TTC28: variants seen among roughly 807,000 people sequenced by gnomAD.
TTC28 encodes the protein tetratricopeptide repeat protein 28.
Under a neutral mutation model 198.0 loss-of-function variants are expected in TTC28, and 61 were observed. That is an observed-to-expected ratio of 0.31 (90% CI 0.25 to 0.38). TTC28 has a LOEUF of 0.38. Among genes scored for constraint, TTC28 ranks in the 10% least tolerant of loss-of-function variants. The pLI is 1.00. For missense variants in TTC28, 2,678 were observed against 3,164.0 expected, an observed-to-expected ratio of 0.85 and a Z score of 3.69; for synonymous variants, 1,171 against 1,297.8, an observed-to-expected ratio of 0.90 and a Z score of 2.10.
At chr22:28,533,324 T>C (rs1451797868) in intron 2 of TTC28, among the ~76,000 whole-genome samples, 1 of 151,970 alleles carries the variant, frequency 6.6e-6, no homozygotes, top group Non-Finnish European at 1.5e-5. Flanking sequence ...TCAAAGAGAA[T>C]AAAATACCTA....
intron 12 of TTC28, among the ~76,000 whole-genome samples, chr22:28,059,898 A>G (rs1211268098): frequency 7.4e-6 from 1 of 135,980 alleles, no homozygotes; most frequent in African/African-American, 2.6e-5. Context: ...TACCGTTTAC[A>G]TGGTATATCG....
At chr22:27,987,949 C>T (rs906505959) in intron 21 of TTC28, among the ~76,000 whole-genome samples, 2 of 152,018 alleles carry the variant, frequency 1.3e-5, no homozygotes, top group South Asian at 4.1e-4. Context: ...AGCAGTGGCT[C>T]ACACCTGAAT....
At chr22:28,552,752 T>C (rs981922324) in intron 2 of TTC28, among the ~76,000 whole-genome samples, 2 of 142,122 alleles carry the variant, frequency 1.4e-5, no homozygotes, top group Non-Finnish European at 3.2e-5. Flanking sequence ...AGCCTCTCCC[T>C]CTCCCTCTCC....
chr22:28,141,839 C>G (rs555135406), intron 6 of TTC28, among the ~76,000 whole-genome samples: 1 of 152,108 alleles, frequency 6.6e-6, no homozygotes. Context: ...TCCACAACCA[C>G]GAAACCTCTT....
At chr22:28,246,036 A>G (rs1930068868) in intron 5 of TTC28, among the ~76,000 whole-genome samples, 1 of 152,232 alleles carries the variant, frequency 6.6e-6, no homozygotes, top group Admixed American at 6.5e-5. Context: ...CATGAAGCTA[A>G]AAGTAAACAG....
intron 2 of TTC28, among the ~76,000 whole-genome samples, chr22:28,468,343 CTATT>C (rs1274392894): frequency 4.6e-5 from 7 of 152,118 alleles, no homozygotes; most frequent in Non-Finnish European, 1.0e-4. Context: ...CCCACAGAAT[CTATT>C]TATTTCAGTG....
intron 2 of TTC28, among the ~76,000 whole-genome samples, chr22:28,415,082 GCACT>G (rs1457123933): frequency 4.6e-5 from 7 of 152,110 alleles, no homozygotes; most frequent in Non-Finnish European, 7.4e-5. Flanking sequence ...CCCAATATGA[GCACT>G]GCCAGATGGA....
intron 3 of TTC28, among the ~76,000 whole-genome samples, chr22:28,305,299 T>G (rs1238793847): frequency 6.6e-6 from 1 of 151,818 alleles, no homozygotes; most frequent in Admixed American, 6.6e-5. Flanking sequence ...CCAGTCAGAG[T>G]TTATTAACAG....
At chr22:28,558,933 G>A (rs1234978937) in intron 2 of TTC28, among the ~76,000 whole-genome samples, 1 of 151,374 alleles carries the variant, frequency 6.6e-6, no homozygotes. Context: ...TACTCAGGAG[G>A]CTAAGGCAGG....
chr22:28,165,196 A>G (rs1921779110), intron 5 of TTC28, among the ~76,000 whole-genome samples: 1 of 152,220 alleles, frequency 6.6e-6, no homozygotes, highest in South Asian at 2.1e-4. Context: ...CCAAATCTAC[A>G]TCTCATTGGT....
intron 2 of TTC28, among the ~76,000 whole-genome samples, chr22:28,622,602 T>C (rs1196445220): frequency 6.6e-6 from 1 of 151,984 alleles, no homozygotes; most frequent in Non-Finnish European, 1.5e-5. Flanking sequence ...AGACGCAAAG[T>C]TAAAAGCAAT....
At chr22:28,222,422 A>C (rs1336704227) in intron 5 of TTC28, among the ~76,000 whole-genome samples, 2 of 152,214 alleles carry the variant, frequency 1.3e-5, no homozygotes, top group African/African-American at 2.4e-5. Context: ...TGACAAGAAA[A>C]ACATGTCTTG....
At chr22:28,532,045 G>C (rs2049152248) in intron 2 of TTC28, among the ~76,000 whole-genome samples, 1 of 152,068 alleles carries the variant, frequency 6.6e-6, no homozygotes, top group African/African-American at 2.4e-5. Flanking sequence ...CAGAAGGCAA[G>C]AAATAACTAA....
At chr22:28,031,402 C>T (rs1301430042) in intron 12 of TTC28, among the ~76,000 whole-genome samples, 3 of 152,216 alleles carry the variant, frequency 2.0e-5, no homozygotes, top group Non-Finnish European at 4.4e-5. Context: ...ACTTTCAGAC[C>T]TTCCTACTAA....
intron 12 of TTC28, among the ~76,000 whole-genome samples, chr22:28,058,619 T>TTATAATACAAG (rs1940389558): frequency 6.6e-6 from 1 of 152,134 alleles, no homozygotes; most frequent in African/African-American, 2.4e-5. Flanking sequence ...GGTATTAGGG[T>TTATAATACAAG]TATAATACAA....
chr22:28,428,223 G>C (rs1443545756), intron 2 of TTC28, among the ~76,000 whole-genome samples: 5 of 151,416 alleles, frequency 3.3e-5, no homozygotes, highest in Non-Finnish European at 7.4e-5. Context: ...CTACCTTGCA[G>C]AAGTATTTCA....
chr22:28,576,551 C>T (rs1320706766), intron 2 of TTC28, among the ~76,000 whole-genome samples: 1 of 151,966 alleles, frequency 6.6e-6, no homozygotes, highest in Non-Finnish European at 1.5e-5. Flanking sequence ...ATAGTTTGAT[C>T]AGGATTGGTA....
At chr22:28,306,252 A>G (rs1037377859) in intron 3 of TTC28, among the ~76,000 whole-genome samples, 2 of 152,180 alleles carry the variant, frequency 1.3e-5, no homozygotes. Context: ...ACAGTTAGTT[A>G]ATGAAAAATT....
chr22:28,515,203 A>C (rs888517176), intron 2 of TTC28, among the ~76,000 whole-genome samples: 1 of 152,210 alleles, frequency 6.6e-6, no homozygotes, highest in Non-Finnish European at 1.5e-5. Flanking sequence ...AAAAGCTTTC[A>C]ATAATGTTGT....
Sources: gnomAD v4.1 joint callset for allele counts (sites outside exome capture counted in the v4.1 genomes callset) on GRCh38, gnomAD v4.1.1 for gene constraint, MANE v1.5 for transcripts, NCBI Gene and HGNC (gene_info 2026-07-23, HGNC 2026-07-21) for gene names.